PELI1: variants seen among roughly 807,000 people sequenced by gnomAD.
The protein encoded by PELI1 is E3 ubiquitin-protein ligase pellino homolog 1.
A neutral mutation model predicts 41.3 loss-of-function variants in PELI1; 15 were observed. The observed-to-expected ratio is 0.36, with a 90% CI of 0.24 to 0.56. The LOEUF (loss-of-function observed/expected upper bound fraction) is 0.56, where lower values mean the gene tolerates loss of function less well. Ranked by LOEUF, PELI1 falls within the 20% of genes least tolerant of loss-of-function variation. The pLI is 0.82. For missense variants in PELI1, 403 were observed against 525.5 expected (o/e 0.77, Z 2.28); for synonymous variants, 178 against 180.1 (o/e 0.99, Z 0.09).
At chr2:64,113,806 C>A (rs1680902544) in intron 1 of PELI1, among the ~76,000 whole-genome samples, 2 of 152,082 alleles carry the variant, frequency 1.3e-5, no homozygotes, top group South Asian at 2.1e-4. Flanking sequence ...CATATCAAGT[C>A]TTCCCAAAGG....
chr2:64,142,965 T>A (rs1681961764), intron 1 of PELI1, among the ~76,000 whole-genome samples: 1 of 152,222 alleles, frequency 6.6e-6, no homozygotes, highest in South Asian at 2.1e-4. Context: ...AGCTTCAGTT[T>A]TTAGCACAAC....
chr2:64,142,129 GAT>G (rs577035639), intron 1 of PELI1, among the ~76,000 whole-genome samples: 47 of 152,280 alleles, frequency 3.1e-4, no homozygotes, highest in African/African-American at 8.7e-4. Flanking sequence ...AAAGCTAGGT[GAT>G]AGTTTCCTCT....
At chr2:64,112,389 C>T (rs921998215) in intron 1 of PELI1, among the ~76,000 whole-genome samples, 1 of 152,038 alleles carries the variant, frequency 6.6e-6, no homozygotes, top group African/African-American at 2.4e-5. Flanking sequence ...AAGTAACGTG[C>T]ATAACACTAT....
chr2:64,100,304 A>T, intron 4 of PELI1, 94 bp downstream of exon 4: 1 of 689,032 alleles, frequency 1.5e-6, no homozygotes, highest in Non-Finnish European at 2.6e-6. Context: ...ACAATATAAA[A>T]ATCTGATAAT....
intron 1 of PELI1, among the ~76,000 whole-genome samples, chr2:64,119,311 T>A (rs920707642): frequency 2.0e-5 from 3 of 152,230 alleles, no homozygotes; most frequent in Admixed American, 1.3e-4. Flanking sequence ...TTATTCCCTT[T>A]GCAAGCTTAC....
intron 1 of PELI1, among the ~76,000 whole-genome samples, chr2:64,118,904 G>A (rs1329757954): frequency 6.6e-6 from 1 of 151,578 alleles, no homozygotes; most frequent in Admixed American, 6.6e-5. Flanking sequence ...TTCTGGCTAC[G>A]AAACAACAAC....
At chr2:64,103,058 G>C (rs1036062806) in intron 3 of PELI1, among the ~76,000 whole-genome samples, 1 of 151,972 alleles carries the variant, frequency 6.6e-6, no homozygotes, top group Non-Finnish European at 1.5e-5. Context: ...GCCCAGGCTG[G>C]TCTCGAACTC....
chr2:64,099,165 TACACACACACACACAC>T (rs70965174), intron 4 of PELI1, among the ~76,000 whole-genome samples: 7 of 144,802 alleles, frequency 4.8e-5, no homozygotes, highest in Non-Finnish European at 1.1e-4. Flanking sequence ...ATCTTGGAGA[TACACACACACACACAC>T]ACACACACAC....
At chr2:64,104,393 C>T (rs1382174036) in intron 3 of PELI1, among the ~76,000 whole-genome samples, 15 of 152,214 alleles carry the variant, frequency 9.9e-5, no homozygotes, top group Admixed American at 9.2e-4. Flanking sequence ...TCAGGGCAGA[C>T]AGCTGCATAA....
intron 1 of PELI1, among the ~76,000 whole-genome samples, chr2:64,117,340 G>A (rs1429488171): frequency 1.3e-5 from 2 of 150,150 alleles, no homozygotes; most frequent in African/African-American, 5.0e-5. Context: ...AATGAAGTAA[G>A]TTCTATTTTT....
chr2:64,096,324 T>TA lies in PELI1; in HGVS notation c.502-12dup. 1 of 1,611,710 alleles carries TA rather than the reference T, an allele frequency of 6.2e-7. No homozygotes were observed. The highest frequency in any genetic ancestry group is 1.1e-5 in the South Asian group (1 of 90,968). On this transcript the variant is annotated splice_polypyrimidine_tract_variant and intron_variant, in intron 5 of 6. Transcript: ENST00000358912. ...TTTGGCAGCCTTCTCCTAGTAGAAA[T>TA]AATAGCAGTGAGCTTCCAACTTGTA...
Position 64,104,846 on chromosome 2 carries a change from A to G in PELI1, c.72-16T>C. 1 of 1,606,580 alleles carries G rather than the reference A, an allele frequency of 6.2e-7. No homozygotes were observed. The highest frequency in any genetic ancestry group is 8.5e-7 in the Non-Finnish European group (1 of 1,176,558). ...CCCATTATACCTGATGGGGGAAAAA[A>G]AGTATAGGTGATCTCTTGCAAGAAC... On this transcript the variant is annotated splice_polypyrimidine_tract_variant and intron_variant, in intron 2 of 6. Transcript: ENST00000358912.
intron 1 of PELI1, among the ~76,000 whole-genome samples, chr2:64,127,667 C>A (rs1358473872): frequency 6.6e-6 from 1 of 152,118 alleles, no homozygotes; most frequent in Non-Finnish European, 1.5e-5. Flanking sequence ...CCCTCTATTA[C>A]CAACAAGACC....
intron 3 of PELI1, 159 bp downstream of exon 3, chr2:64,104,542 C>T (rs1576075226): frequency 4.4e-6 from 5 of 1,133,942 alleles, no homozygotes; most frequent in African/African-American, 1.6e-5. Flanking sequence ...CATATGGCAG[C>T]TCTTCAAATA....
rs1303229622 is a variant in PELI1 at position 64,094,771 on chromosome 2, G to C, written c.1188C>G (p.Pro396=). The change falls in exon 7 of 7, where the codon CCC becomes CCG. Residue 396 remains proline (P), a synonymous_variant. Transcript: ENST00000358912. ...CACCAGCCAACTGATGTGCACAAAA[G>C]GGACAGGCTGCATGAAAAGTATGAG... ...HGTHTFHAAC[P]FCAHQLAGEQ... is the part of the protein sequence containing the mutation. The C allele has an allele frequency of 1.9e-6, 3 of 1,614,198 alleles. No homozygotes were observed. Among genetic ancestry groups the C allele is most frequent in the African/African-American group, 2.7e-5 (2 of 75,046 alleles).
chr2:64,133,936 T>C (rs17028507), intron 1 of PELI1, among the ~76,000 whole-genome samples: 3,154 of 152,182 alleles, frequency 0.021, 99 homozygotes, highest in African/African-American at 0.07. Context: ...TTGTGAGCAA[T>C]GAATGATCTC....
At chr2:64,101,613 CT>C (rs1005642193) in intron 3 of PELI1, among the ~76,000 whole-genome samples, 14 of 152,004 alleles carry the variant, frequency 9.2e-5, no homozygotes, top group African/African-American at 3.4e-4. Context: ...TGAAAAAATC[CT>C]TCTTAATTAG....
rs1680136074 is a variant in PELI1 at position 64,093,975 on chromosome 2, T to C, written c.*727A>G. ...TAAAATGTTTCTTAGCATTAAGTTT[T>C]TGTTATAGTACTACGCTCGAGAGAA... On this transcript the variant is annotated 3_prime_UTR_variant, in exon 7 of 7. Coordinates refer to ENST00000358912, the MANE Select transcript of PELI1 (RefSeq NM_020651.4). 6.5e-6 allele frequency: 1 copy of C among 152,688 alleles called. No individual in the cohort carries two copies. Among genetic ancestry groups the C allele is most frequent in the South Asian group, 2.1e-4 (1 of 4,836 alleles). The allele number at this position is 152,688 out of a possible 1,614,324, so 9.5% of individuals were successfully genotyped here.
chr2:64,124,589 C>T (rs963442382), intron 1 of PELI1, among the ~76,000 whole-genome samples: 8 of 152,192 alleles, frequency 5.3e-5, no homozygotes, highest in Non-Finnish European at 1.0e-4. Context: ...AAATGAAGTG[C>T]TTTTTGTACC....
Sources: gnomAD v4.1 joint callset for allele counts (sites outside exome capture counted in the v4.1 genomes callset) on GRCh38, gnomAD v4.1.1 for gene constraint, MANE v1.5 for transcripts, NCBI Gene and HGNC (gene_info 2026-07-23, HGNC 2026-07-21) for gene names.